Variants in NEGR1 observed in about 807,000 individuals in gnomAD.
NEGR1 encodes the protein IgLON family member 4.
Under a neutral mutation model 40.9 loss-of-function variants are expected in NEGR1, and 10 were observed. The observed-to-expected ratio is 0.24, with a 90% CI of 0.15 to 0.42. The LOEUF (loss-of-function observed/expected upper bound fraction) is 0.42, where lower values mean the gene tolerates loss of function less well. Ranked by LOEUF, NEGR1 falls within the 10% of genes least tolerant of loss-of-function variation. NEGR1 has a pLI of 1.00. For missense variants in NEGR1, 352 were observed against 438.9 expected (o/e 0.80, Z 1.77); for synonymous variants, 185 against 166.8 (o/e 1.11, Z -0.84).
chr1:71,475,709 AG>A (rs1557539241), intron 6 of NEGR1, among the ~76,000 whole-genome samples: 1 of 152,038 alleles, frequency 6.6e-6, no homozygotes, highest in Non-Finnish European at 1.5e-5. Flanking sequence ...GAAGGTCGTT[AG>A]GAAAAAACAT....
intron 3 of NEGR1, among the ~76,000 whole-genome samples, chr1:71,767,922 T>C (rs1656187769): frequency 6.6e-6 from 1 of 152,208 alleles, no homozygotes; most frequent in African/African-American, 2.4e-5. Context: ...CTGCAAGCCA[T>C]AACCTTTGGC....
At chr1:71,554,344 T>C (rs1016101088) in intron 6 of NEGR1, among the ~76,000 whole-genome samples, 3 of 151,566 alleles carry the variant, frequency 2.0e-5, no homozygotes, top group African/African-American at 4.8e-5. Context: ...CATCTTTTTT[T>C]TTAGAATGGA....
intron 2 of NEGR1, among the ~76,000 whole-genome samples, chr1:71,923,689 T>C (rs1176742111): frequency 6.6e-6 from 1 of 152,120 alleles, no homozygotes; most frequent in Admixed American, 6.5e-5. Context: ...TCCTTGACTT[T>C]CCTGGCTTCT....
Position 71,402,439 on chromosome 1 carries a change from G to A in NEGR1, c.*5007C>T, listed in dbSNP as rs1421130147. ...AGATTGGTCTAGCTTTAGGATGACT[G>A]TGGGTAGAGCTTCTAGGGAGAAGAA... On this transcript the variant is annotated 3_prime_UTR_variant, in exon 7 of 7. Transcript: ENST00000357731. 5.3e-5 allele frequency: 8 copies of A among 152,132 alleles called. No homozygotes were observed. The highest frequency in any genetic ancestry group is 1.2e-4 in the Non-Finnish European group (8 of 67,992). The allele number at this position is 152,132 out of a possible 1,614,324, so 9.4% of individuals were successfully genotyped here.
At position 72,189,302 on chromosome 1, in the gene NEGR1, A is replaced by G. The variant is rs188668409; in HGVS notation, c.176+93017T>C. 3.0e-4 allele frequency among the ~76,000 whole-genome samples: 45 copies of G among 151,680 alleles called. 1 individual carries two copies. The East Asian group carries it at 5.4e-3, about 18-fold the overall frequency. ...GAAACCTAATTTACTATGAAGTACA[A>G]CTGATGTACTTGGAATTTCAGACTT... On this transcript the variant is annotated intron_variant, in intron 1 of 6. Transcript: ENST00000357731.
chr1:71,991,436 C>A (rs889860185), intron 1 of NEGR1, among the ~76,000 whole-genome samples: 1 of 152,168 alleles, frequency 6.6e-6, no homozygotes, highest in Non-Finnish European at 1.5e-5. Flanking sequence ...AACACATTTA[C>A]ATTTTAAACA....
At chr1:71,497,109 T>C (rs1248304677) in intron 6 of NEGR1, among the ~76,000 whole-genome samples, 1 of 152,188 alleles carries the variant, frequency 6.6e-6, no homozygotes, top group South Asian at 2.1e-4. Flanking sequence ...TTTATTAATA[T>C]TGAAATTTCC....
chr1:71,733,939 A>G (rs1294321666), intron 3 of NEGR1, among the ~76,000 whole-genome samples: 1 of 152,158 alleles, frequency 6.6e-6, no homozygotes, highest in Non-Finnish European at 1.5e-5. Flanking sequence ...ATTGGAAACT[A>G]TTAAATCTTT....
At chr1:71,475,991 G>A (rs1269818669) in intron 6 of NEGR1, among the ~76,000 whole-genome samples, 3 of 151,982 alleles carry the variant, frequency 2.0e-5, no homozygotes, top group African/African-American at 4.8e-5. Context: ...TGTGTTTGGA[G>A]TTTATAAACT....
rs76722378 is a variant in NEGR1, at chr1:71,657,010, C to T, written c.667+40998G>A. Among the ~76,000 whole-genome samples, 924 of 152,212 alleles carry T rather than the reference C, an allele frequency of 6.1e-3. 26 individuals carry two copies. The highest frequency in any genetic ancestry group is 0.049 in the Admixed American group (752 of 15,280). ...ACTGTTTGGCTTCAAAAATAATAGC[C>T]AGGATTTGTCACATGGAATAAAGAA... On this transcript the variant is annotated intron_variant, in intron 4 of 6. Coordinates refer to ENST00000357731, the MANE Select transcript of NEGR1 (RefSeq NM_173808.3).
chr1:71,408,894 G>T (rs1372480963), intron 6 of NEGR1: 1 of 151,902 alleles, frequency 6.6e-6, no homozygotes, highest in Non-Finnish European at 1.5e-5. Context: ...TGACTATATT[G>T]CTACGTAACA....
intron 2 of NEGR1, among the ~76,000 whole-genome samples, chr1:71,925,738 A>G (rs939861110): frequency 1.5e-4 from 23 of 152,278 alleles, no homozygotes; most frequent in African/African-American, 5.5e-4. Flanking sequence ...GAAAAAAAAA[A>G]AGAAAAATTA....
intron 2 of NEGR1, among the ~76,000 whole-genome samples, chr1:71,827,779 G>A (rs1462387032): frequency 6.6e-6 from 1 of 151,482 alleles, no homozygotes; most frequent in African/African-American, 2.4e-5. Flanking sequence ...ACTATACCGC[G>A]AGAGAGACAG....
intron 6 of NEGR1, among the ~76,000 whole-genome samples, chr1:71,453,103 A>G (rs993475838): frequency 6.6e-6 from 1 of 152,196 alleles, no homozygotes; most frequent in African/African-American, 2.4e-5. Flanking sequence ...CAAGCGTCTC[A>G]ATAGCTTTTT....
intron 2 of NEGR1, among the ~76,000 whole-genome samples, chr1:71,816,491 A>T (rs1282934224): frequency 6.6e-6 from 1 of 152,042 alleles, no homozygotes; most frequent in Non-Finnish European, 1.5e-5. Context: ...GGTGGCAGTA[A>T]GCAAGCGAGC....
intron 3 of NEGR1, among the ~76,000 whole-genome samples, chr1:71,703,766 C>CA (rs1300933077): frequency 3.3e-5 from 5 of 151,314 alleles, no homozygotes; most frequent in African/African-American, 9.7e-5. Context: ...GAGAAAAATA[C>CA]AAAAAACCAA....
At chr1:71,491,556 A>G (rs1235064286) in intron 6 of NEGR1, among the ~76,000 whole-genome samples, 1 of 149,424 alleles carries the variant, frequency 6.7e-6, no homozygotes, top group Non-Finnish European at 1.5e-5. Flanking sequence ...TGGTACCTCC[A>G]ATGACCACCT....
chr1:71,756,926 T>C (rs916707843), intron 3 of NEGR1, among the ~76,000 whole-genome samples: 2 of 152,140 alleles, frequency 1.3e-5, no homozygotes, highest in Non-Finnish European at 2.9e-5. Context: ...CATAATTCTA[T>C]ATATTTTGAG....
chr1:72,176,396 T>C (rs1365239152), intron 1 of NEGR1, among the ~76,000 whole-genome samples: 1 of 152,084 alleles, frequency 6.6e-6, no homozygotes, highest in Admixed American at 6.6e-5. Flanking sequence ...TCTTAAGACT[T>C]TGCCATCAAT....
Sources: allele counts gnomAD v4.1 joint callset (sites outside exome capture counted in the v4.1 genomes callset), GRCh38; gene constraint gnomAD v4.1.1; transcripts MANE v1.5; gene names NCBI Gene and HGNC (gene_info 2026-07-23, HGNC 2026-07-21).